NKAIN2: variants seen among roughly 807,000 people sequenced by gnomAD.
NKAIN2 encodes the protein sodium/potassium transporting ATPase interacting 2, also known as sodium/potassium-transporting ATPase subunit beta-1-interacting protein 2.
A neutral mutation model predicts 32.6 loss-of-function variants in NKAIN2; 14 were observed. The ratio of observed to expected loss-of-function variants is 0.43; its 90% CI spans 0.28 to 0.67. The LOEUF is 0.67. NKAIN2 is among the 30% of genes least tolerant of loss of function. The pLI is 0.17. For missense variants in NKAIN2, 198 were observed against 258.3 expected (o/e 0.77, Z 1.60); for synonymous variants, 80 against 87.2 (o/e 0.92, Z 0.46).
chr6:123,873,520 T>G (rs1394720153), intron 1 of NKAIN2, among the ~76,000 whole-genome samples: 2 of 152,184 alleles, frequency 1.3e-5, no homozygotes, highest in African/African-American at 4.8e-5. Context: ...GATCTTTATA[T>G]TTTTGAAGGT....
intron 4 of NKAIN2, among the ~76,000 whole-genome samples, chr6:124,762,580 T>A (rs1159912806): frequency 6.6e-6 from 1 of 152,208 alleles, no homozygotes; most frequent in Non-Finnish European, 1.5e-5. Flanking sequence ...CAATACACGA[T>A]GCTTTTTGCT....
At chr6:124,093,891 A>C (rs150804919) in intron 1 of NKAIN2, among the ~76,000 whole-genome samples, 173 of 152,226 alleles carry the variant, frequency 1.1e-3, no homozygotes, top group African/African-American at 3.9e-3. Context: ...AGCATCATCC[A>C]TTTTCTTCAG....
At chr6:124,393,948 A>C (rs1051540024) in intron 3 of NKAIN2, among the ~76,000 whole-genome samples, 2 of 152,196 alleles carry the variant, frequency 1.3e-5, no homozygotes, top group Admixed American at 6.5e-5. Flanking sequence ...TCCATTGATT[A>C]AAGTTACACA....
intron 1 of NKAIN2, among the ~76,000 whole-genome samples, chr6:124,266,752 A>G (rs1794510930): frequency 6.6e-6 from 1 of 152,214 alleles, no homozygotes; most frequent in African/African-American, 2.4e-5. Context: ...ATTGGACAAG[A>G]GAGTATGGGC....
At chr6:124,407,503 T>A (rs1168404490) in intron 3 of NKAIN2, among the ~76,000 whole-genome samples, 6 of 152,154 alleles carry the variant, frequency 3.9e-5, no homozygotes, top group Admixed American at 1.3e-4. Flanking sequence ...GCTTCATCCA[T>A]GTCCCTGCAA....
At chr6:124,525,702 T>C (rs1251237957) in intron 3 of NKAIN2, among the ~76,000 whole-genome samples, 2 of 151,456 alleles carry the variant, frequency 1.3e-5, no homozygotes, top group African/African-American at 4.8e-5. Flanking sequence ...AGAATTGTAT[T>C]GTTGTTTTGT....
chr6:124,760,954 A>C (rs544204603), intron 4 of NKAIN2, among the ~76,000 whole-genome samples: 1 of 152,186 alleles, frequency 6.6e-6, no homozygotes, highest in African/African-American at 2.4e-5. Context: ...GGCACATAGT[A>C]GGCACCCAGC....
At chr6:124,388,183 C>CA (rs71753088) in intron 3 of NKAIN2, among the ~76,000 whole-genome samples, 14,740 of 147,318 alleles carry the variant, frequency 0.1, 1,241 homozygotes, top group African/African-American at 0.24. Context: ...ATTAATTTTA[C>CA]AAAAAAAAAA....
chr6:124,655,616 G>A (rs141185710), intron 3 of NKAIN2, among the ~76,000 whole-genome samples: 5 of 152,062 alleles, frequency 3.3e-5, no homozygotes, highest in Admixed American at 6.6e-5. Flanking sequence ...TGACAGTCCC[G>A]GGCATAATGG....
chr6:124,347,740 A>AT (rs890523857), intron 2 of NKAIN2, among the ~76,000 whole-genome samples: 1 of 151,796 alleles, frequency 6.6e-6, no homozygotes, highest in African/African-American at 2.4e-5. Context: ...ATTCATCTAA[A>AT]TTTTTTTCCA....
At chr6:124,173,866 C>T (rs1010344983) in intron 1 of NKAIN2, among the ~76,000 whole-genome samples, 2 of 151,988 alleles carry the variant, frequency 1.3e-5, no homozygotes, top group African/African-American at 4.8e-5. Context: ...AACTTCTCTT[C>T]AGAGTAAAGT....
At chr6:124,500,618 C>T (rs938391341) in intron 3 of NKAIN2, among the ~76,000 whole-genome samples, 2 of 152,122 alleles carry the variant, frequency 1.3e-5, no homozygotes, top group East Asian at 3.9e-4. Flanking sequence ...CACGCCACTG[C>T]ACTCCAGCCT....
intron 3 of NKAIN2, among the ~76,000 whole-genome samples, chr6:124,556,488 G>A (rs1004407526): frequency 6.6e-6 from 1 of 152,076 alleles, no homozygotes; most frequent in African/African-American, 2.4e-5. Context: ...CCTGATAAAA[G>A]GATAAGTTCA....
chr6:124,425,689 A>C (rs1774952653), intron 3 of NKAIN2, among the ~76,000 whole-genome samples: 1 of 152,132 alleles, frequency 6.6e-6, no homozygotes, highest in Non-Finnish European at 1.5e-5. Context: ...AATGGTCAAT[A>C]GGTATGTGAA....
intron 3 of NKAIN2, among the ~76,000 whole-genome samples, chr6:124,461,557 G>T (rs1404275328): frequency 7.3e-5 from 11 of 151,482 alleles, no homozygotes; most frequent in Non-Finnish European, 1.3e-4. Flanking sequence ...TTTTTTAAAA[G>T]TTTCCTAAAT....
chr6:124,676,674 A>G (rs1398291960), intron 4 of NKAIN2, among the ~76,000 whole-genome samples: 2 of 152,114 alleles, frequency 1.3e-5, no homozygotes, highest in Non-Finnish European at 2.9e-5. Context: ...ATCATAGCTT[A>G]CTGCAGCCTC....
At chr6:123,851,441 G>A (rs1423951590) in intron 1 of NKAIN2, among the ~76,000 whole-genome samples, 5 of 151,814 alleles carry the variant, frequency 3.3e-5, no homozygotes, top group African/African-American at 9.7e-5. Context: ...AGTCAAGATG[G>A]GGTTTCACCA....
At chr6:124,608,379 C>G (rs1289073347) in intron 3 of NKAIN2, among the ~76,000 whole-genome samples, 1 of 152,136 alleles carries the variant, frequency 6.6e-6, no homozygotes, top group East Asian at 1.9e-4. Flanking sequence ...CTTATCATCC[C>G]CTTCAACAAG....
At chr6:124,282,962 G>C in intron 1 of NKAIN2, 43 bp from the exon 2 acceptor site, 1 of 1,595,782 alleles carries the variant, frequency 6.3e-7, no homozygotes, top group Non-Finnish European at 8.6e-7. Flanking sequence ...CCACTGTGCT[G>C]TTTCTCACAT....
Sources: allele counts gnomAD v4.1 joint callset (sites outside exome capture counted in the v4.1 genomes callset), GRCh38; gene constraint gnomAD v4.1.1; transcripts MANE v1.5; gene names NCBI Gene and HGNC (gene_info 2026-07-23, HGNC 2026-07-21).